JARID2: variants seen among roughly 807,000 people sequenced by gnomAD.
JARID2 encodes protein Jumonji.
In JARID2, 21 loss-of-function variants were observed where a neutral mutation model predicts 125.6. The observed-to-expected ratio is 0.17, with a 90% CI of 0.12 to 0.24. JARID2 has a LOEUF of 0.24. Among genes scored for constraint, JARID2 ranks in the 10% least tolerant of loss-of-function variants. JARID2 has a pLI of 1.00. For missense variants in JARID2, 1,303 were observed against 1,639.6 expected (o/e 0.79, Z 3.55); for synonymous variants, 736 against 661.6 (o/e 1.11, Z -1.73).
chr6:15,374,029 A>T (rs1764262418), intron 1 of JARID2, 88 bp from the exon 2 acceptor site: 1 of 1,500,086 alleles, frequency 6.7e-7, no homozygotes, highest in African/African-American at 1.4e-5. Context: ...ACGTGTTCGG[A>T]AATTCCTTTA....
chr6:15,375,281 C>G (rs1313705752), intron 2 of JARID2, among the ~76,000 whole-genome samples: 1 of 152,198 alleles, frequency 6.6e-6, no homozygotes, highest in Non-Finnish European at 1.5e-5. Flanking sequence ...CTGAACTTCA[C>G]CATTCACCCT....
At chr6:15,336,724 T>C (rs1488634655) in intron 1 of JARID2, among the ~76,000 whole-genome samples, 1 of 151,938 alleles carries the variant, frequency 6.6e-6, no homozygotes, top group Non-Finnish European at 1.5e-5. Flanking sequence ...CATTTGTTTT[T>C]AAAATTTAAG....
At chr6:15,332,908 A>C (rs545282219) in intron 1 of JARID2, among the ~76,000 whole-genome samples, 11 of 150,188 alleles carry the variant, frequency 7.3e-5, no homozygotes, top group African/African-American at 2.7e-4. Flanking sequence ...CACACCATAA[A>C]ATTTACCCTT....
At chr6:15,464,229 C>T (rs1768599219) in intron 4 of JARID2, among the ~76,000 whole-genome samples, 1 of 152,168 alleles carries the variant, frequency 6.6e-6, no homozygotes, top group South Asian at 2.1e-4. Flanking sequence ...GTCTGGAATG[C>T]CAGTTTGACC....
intron 4 of JARID2, among the ~76,000 whole-genome samples, chr6:15,463,311 A>T (rs1197068015): frequency 6.6e-6 from 1 of 152,108 alleles, no homozygotes; most frequent in African/African-American, 2.4e-5. Context: ...GTGGTGTTCC[A>T]TGTGAGGAGT....
At chr6:15,433,432 G>C (rs1362233988) in intron 3 of JARID2, among the ~76,000 whole-genome samples, 1 of 151,400 alleles carries the variant, frequency 6.6e-6, no homozygotes, top group Admixed American at 6.6e-5. Flanking sequence ...GTGTGTGTGT[G>C]TGTGTGTGTG....
chr6:15,448,463 A>G (rs1430722883), intron 3 of JARID2, among the ~76,000 whole-genome samples: 1 of 152,190 alleles, frequency 6.6e-6, no homozygotes, highest in Non-Finnish European at 1.5e-5. Flanking sequence ...CCTGACTTCT[A>G]AAAAAGCTGT....
chr6:15,364,907 T>C (rs1436907273), intron 1 of JARID2, among the ~76,000 whole-genome samples: 1 of 151,178 alleles, frequency 6.6e-6, no homozygotes, highest in African/African-American at 2.5e-5. Flanking sequence ...ATTTTAAATT[T>C]TAATTGAGTT....
At chr6:15,259,199 C>T (rs1759781156) in intron 1 of JARID2, among the ~76,000 whole-genome samples, 1 of 152,168 alleles carries the variant, frequency 6.6e-6, no homozygotes, top group Admixed American at 6.5e-5. Flanking sequence ...CTTTTATTCT[C>T]CAGGCAAGAT....
intron 1 of JARID2, among the ~76,000 whole-genome samples, chr6:15,307,292 G>T (rs1761865705): frequency 6.6e-6 from 1 of 151,918 alleles, no homozygotes; most frequent in Non-Finnish European, 1.5e-5. Flanking sequence ...GTGCAGTGGC[G>T]CTCACTGCAG....
chr6:15,507,293 G>T, intron 10 of JARID2, 39 bp downstream of exon 10: 2 of 1,600,842 alleles, frequency 1.2e-6, no homozygotes, highest in South Asian at 1.1e-5. Context: ...TTGGGGATGT[G>T]ACTGCATCCT....
chr6:15,380,010 A>C (rs1239476114), intron 2 of JARID2, among the ~76,000 whole-genome samples: 1 of 136,788 alleles, frequency 7.3e-6, no homozygotes, highest in East Asian at 2.1e-4. Context: ...GAAGGAGGTA[A>C]GTGGATTTTT....
intron 2 of JARID2, among the ~76,000 whole-genome samples, chr6:15,380,044 G>C (rs1327632382): frequency 6.6e-6 from 1 of 151,576 alleles, no homozygotes; most frequent in African/African-American, 2.4e-5. Flanking sequence ...GGGGGCCGGG[G>C]GTGAGGGGAT....
chr6:15,449,198 G>C (rs956594158), intron 3 of JARID2, among the ~76,000 whole-genome samples: 1 of 152,048 alleles, frequency 6.6e-6, no homozygotes, highest in Non-Finnish European at 1.5e-5. Flanking sequence ...AGCTCTCTTT[G>C]TTCCCCATGA....
Position 15,513,228 on chromosome 6 carries a change from G to T in JARID2, c.3267-11G>T, listed in dbSNP as rs201801273. ...TCACTAAAGGTGCGGGCCGTCTCCC[G>T]TGTCTGGCAGGGATACAGAGCTGCG... On this transcript the variant is annotated splice_polypyrimidine_tract_variant and intron_variant, in intron 15 of 17. Transcript: ENST00000341776. 6.4e-7 allele frequency: 1 copy of T among 1,556,438 alleles called. No individual in the cohort carries two copies. The highest frequency in any genetic ancestry group is 1.2e-5 in the South Asian group (1 of 85,798).
chr6:15,404,077 C>T (rs920507531), intron 2 of JARID2, among the ~76,000 whole-genome samples: 2 of 152,174 alleles, frequency 1.3e-5, no homozygotes, highest in African/African-American at 4.8e-5. Context: ...ATTTGTGCCT[C>T]GTTGACCACA....
chr6:15,288,747 C>T (rs1761095052), intron 1 of JARID2, among the ~76,000 whole-genome samples: 1 of 152,118 alleles, frequency 6.6e-6, no homozygotes, highest in Admixed American at 6.6e-5. Flanking sequence ...CTCCTAAGAC[C>T]CCTTTGAGCT....
rs565268358 is a variant in JARID2 at position 15,448,970 on chromosome 6, T to TA, written c.324-3025dup. ...CCCTTGTTCTATTTTTTTATGTAAT[T>TA]AAAAAAAAAAAGACATTTGTAACAG... On this transcript the variant is annotated intron_variant, in intron 3 of 17. Transcript: ENST00000341776. Among the ~76,000 whole-genome samples, 811 of 145,302 alleles carry TA rather than the reference T, an allele frequency of 5.6e-3. 11 individuals carry two copies. Among genetic ancestry groups the TA allele is most frequent in the African/African-American group, 0.016 (649 of 39,774 alleles).
At chr6:15,519,684 G>A (rs1164783411) in intron 17 of JARID2, among the ~76,000 whole-genome samples, 1 of 152,212 alleles carries the variant, frequency 6.6e-6, no homozygotes, top group Non-Finnish European at 1.5e-5. Flanking sequence ...TTCAGTGGCC[G>A]GTAGCTAAAG....
Sources: allele counts gnomAD v4.1 joint callset (sites outside exome capture counted in the v4.1 genomes callset), GRCh38; gene constraint gnomAD v4.1.1; transcripts MANE v1.5; gene names NCBI Gene and HGNC (gene_info 2026-07-23, HGNC 2026-07-21).